Variants in CCDC93 observed in about 807,000 individuals in gnomAD.
CCDC93 encodes CCC complex scaffolding subunit CCDC93.
A neutral mutation model predicts 108.2 loss-of-function variants in CCDC93; 61 were observed. The observed-to-expected ratio is 0.56, with a 90% CI of 0.46 to 0.70. The LOEUF is 0.70. CCDC93 is among the 30% of genes least tolerant of loss of function. The pLI is 0.00. For missense variants in CCDC93, 685 were observed against 764.2 expected (o/e 0.90, Z 1.22); for synonymous variants, 276 against 260.4 (o/e 1.06, Z -0.58).
chr2:117,967,166 G>T (rs1679612392), intron 11 of CCDC93, among the ~76,000 whole-genome samples: 1 of 152,110 alleles, frequency 6.6e-6, no homozygotes, highest in South Asian at 2.1e-4. Context: ...GCTAATTTTT[G>T]TATTTTAGTA....
At chr2:118,006,999 G>A (rs1018822299) in intron 2 of CCDC93, among the ~76,000 whole-genome samples, 183 bp from the exon 3 acceptor site, 16 of 151,736 alleles carry the variant, frequency 1.1e-4, no homozygotes, top group Non-Finnish European at 1.9e-4. Context: ...AAATGGCACC[G>A]TTACAGAAAA....
rs571177388 is a variant in CCDC93 at position 117,959,770 on chromosome 2, T to C, written c.889-1289A>G. Among the ~76,000 whole-genome samples, 10 of 152,350 alleles carry C rather than the reference T, an allele frequency of 6.6e-5. No individual in the cohort carries two copies. In the East Asian group the frequency reaches 1.9e-3, roughly 29 times the overall value. ...TAAGCATTTATTATTACAACACATT[T>C]AGCCTTGAAACCTGGGACTGTGTAA... On this transcript the variant is annotated intron_variant, in intron 11 of 23. Transcript: ENST00000376300.
intron 19 of CCDC93, 143 bp from the exon 20 acceptor site, chr2:117,939,254 G>T (rs1222288681): frequency 1.8e-6 from 1 of 569,142 alleles, no homozygotes; most frequent in African/African-American, 1.9e-5. Context: ...CGTGCAAACT[G>T]AATTGCCTGG....
intron 7 of CCDC93, among the ~76,000 whole-genome samples, chr2:117,982,073 C>T (rs1035363231): frequency 6.6e-6 from 1 of 152,018 alleles, no homozygotes; most frequent in African/African-American, 2.4e-5. Context: ...GAGAGGTATG[C>T]CGTGTTTTAT....
intron 11 of CCDC93, among the ~76,000 whole-genome samples, chr2:117,962,926 G>T (rs928099785): frequency 6.6e-6 from 1 of 152,120 alleles, no homozygotes. Flanking sequence ...ATGAGATTTT[G>T]TAACAACAGA....
chr2:118,011,642 T>C, intron 1 of CCDC93, among the ~76,000 whole-genome samples: 1 of 152,072 alleles, frequency 6.6e-6, no homozygotes, highest in East Asian at 1.9e-4. Context: ...TTCAATCATT[T>C]ATTATGAAAA....
chr2:118,003,946 G>A (rs1559502), intron 3 of CCDC93, among the ~76,000 whole-genome samples: 148,092 of 152,268 alleles, frequency 0.97, 72,153 homozygotes, highest in Middle Eastern at 1. Flanking sequence ...ACAGAAATTA[G>A]CAATTGCAGA....
At chr2:117,957,780 T>C (rs1388904733) in intron 12 of CCDC93, among the ~76,000 whole-genome samples, 1 of 152,174 alleles carries the variant, frequency 6.6e-6, no homozygotes, top group Non-Finnish European at 1.5e-5. Flanking sequence ...ACTTCCTGCC[T>C]GGAAATACCC....
At chr2:117,964,465 T>C (rs1679491889) in intron 11 of CCDC93, among the ~76,000 whole-genome samples, 1 of 152,176 alleles carries the variant, frequency 6.6e-6, no homozygotes, top group Admixed American at 6.5e-5. Flanking sequence ...ACTATAATCC[T>C]AGCCCTCCTG....
chr2:117,928,834 C>A (rs1412476660), intron 23 of CCDC93, among the ~76,000 whole-genome samples: 3 of 152,236 alleles, frequency 2.0e-5, no homozygotes, highest in Admixed American at 2.0e-4. Context: ...AGCACTATTC[C>A]CAATAGCAAA....
chr2:117,977,619 T>C (rs968500478), intron 8 of CCDC93, among the ~76,000 whole-genome samples: 2 of 152,218 alleles, frequency 1.3e-5, no homozygotes, highest in African/African-American at 2.4e-5. Context: ...AGGCCTGTAA[T>C]TCACAGCTGT....
At chr2:117,954,175 C>A (rs1679148320) in intron 12 of CCDC93, among the ~76,000 whole-genome samples, 1 of 152,202 alleles carries the variant, frequency 6.6e-6, no homozygotes, top group South Asian at 2.1e-4. Flanking sequence ...CCTGCACCCA[C>A]CTACTCATCT....
chr2:118,007,233 T>C (rs1676897983), intron 2 of CCDC93, among the ~76,000 whole-genome samples: 1 of 152,264 alleles, frequency 6.6e-6, no homozygotes, highest in Admixed American at 6.5e-5. Flanking sequence ...TGACATTTTG[T>C]TTCCATACAT....
At chr2:117,937,789 T>C (rs1678570038) in intron 20 of CCDC93, among the ~76,000 whole-genome samples, 1 of 152,222 alleles carries the variant, frequency 6.6e-6, no homozygotes. Context: ...GCAAATCCCA[T>C]GAAATGCATT....
At chr2:117,947,642 T>C (rs987892205) in intron 15 of CCDC93, among the ~76,000 whole-genome samples, 3 of 151,910 alleles carry the variant, frequency 2.0e-5, no homozygotes, top group African/African-American at 7.2e-5. Flanking sequence ...TTACTAACCA[T>C]GGTGCTCTAT....
intron 13 of CCDC93, 25 bp from the exon 14 acceptor site, chr2:117,949,420 T>C (rs1281976146): frequency 5.8e-6 from 9 of 1,560,582 alleles, no homozygotes; most frequent in Middle Eastern, 3.4e-4. Context: ...GAAGACATGG[T>C]TGCTGGAGCC....
intron 2 of CCDC93, among the ~76,000 whole-genome samples, chr2:118,008,190 G>A (rs1418320393): frequency 1.3e-5 from 2 of 152,156 alleles, no homozygotes; most frequent in Non-Finnish European, 2.9e-5. Flanking sequence ...TCTGGCAACC[G>A]TCTGTGAGCA....
At chr2:117,977,302 A>G (rs1301710484) in intron 8 of CCDC93, among the ~76,000 whole-genome samples, 2 of 152,134 alleles carry the variant, frequency 1.3e-5, no homozygotes. Context: ...CTTTAGAGCT[A>G]TGTGACCTTG....
intron 3 of CCDC93, among the ~76,000 whole-genome samples, chr2:118,005,922 T>A (rs988525430): frequency 6.6e-6 from 1 of 152,162 alleles, no homozygotes; most frequent in Non-Finnish European, 1.5e-5. Flanking sequence ...CCACCTCCAC[T>A]TGGCTGCCAG....
Sources: allele counts gnomAD v4.1 joint callset (sites outside exome capture counted in the v4.1 genomes callset), GRCh38; gene constraint gnomAD v4.1.1; transcripts MANE v1.5; gene names NCBI Gene and HGNC (gene_info 2026-07-23, HGNC 2026-07-21).